The following NRG1 variants were observed in gnomAD, a reference collection of about 807,000 sequenced individuals.
NRG1 encodes the protein neuregulin 1.
In NRG1, 18 loss-of-function variants were observed where a neutral mutation model predicts 63.8. The observed-to-expected ratio is 0.28, with a 90% CI of 0.19 to 0.42. The LOEUF (loss-of-function observed/expected upper bound fraction) is 0.42, where lower values mean the gene tolerates loss of function less well. Ranked by LOEUF, NRG1 falls within the 10% of genes least tolerant of loss-of-function variation. The pLI, the probability that NRG1 is intolerant of heterozygous loss-of-function variation, is 1.00. For synonymous variants in NRG1, 302 were observed against 301.3 expected (o/e 1.00, Z -0.02); for missense variants, 762 against 814.7 (o/e 0.94, Z 0.79).
intron 1 of NRG1, among the ~76,000 whole-genome samples, chr8:31,774,125 C>G (rs1030630912): frequency 6.6e-6 from 1 of 152,114 alleles, no homozygotes; most frequent in Admixed American, 6.5e-5. Context: ...TCCTGCCACT[C>G]TCCCCTTTGC....
intron 1 of NRG1, among the ~76,000 whole-genome samples, chr8:32,393,806 A>T (rs1476141048): frequency 6.6e-6 from 1 of 152,146 alleles, no homozygotes; most frequent in Non-Finnish European, 1.5e-5. Flanking sequence ...CTGGATGATG[A>T]AGTGGTCTGT....
chr8:32,525,200 TA>T (rs1830703762), intron 1 of NRG1, among the ~76,000 whole-genome samples: 1 of 152,136 alleles, frequency 6.6e-6, no homozygotes. Context: ...GAGCCAAAGC[TA>T]AGGAGTCCGG....
chr8:32,688,806 A>T (rs1281245916), intron 5 of NRG1, among the ~76,000 whole-genome samples: 10 of 152,212 alleles, frequency 6.6e-5, no homozygotes, highest in African/African-American at 1.2e-4. Flanking sequence ...CTGTTAGAAC[A>T]GTTTGATTCT....
intron 5 of NRG1, among the ~76,000 whole-genome samples, chr8:32,656,494 T>C (rs1408329077): frequency 6.6e-6 from 1 of 152,174 alleles, no homozygotes; most frequent in Non-Finnish European, 1.5e-5. Flanking sequence ...TTTTGGTATT[T>C]TTGTTGTATA....
intron 1 of NRG1, among the ~76,000 whole-genome samples, chr8:32,415,873 G>T (rs183794489): frequency 1.4e-3 from 209 of 152,202 alleles, no homozygotes; most frequent in African/African-American, 4.9e-3. Flanking sequence ...GGAAAATTCT[G>T]GACAGTCCCT....
rs982442612 is a variant in NRG1, at chr8:31,640,159, G to T, written c.37+728G>T. ...CGGCAACGAGGCGGCTCCCGCGGGG[G>T]CCTCGGTGTGCTACTCGTCCCCGCC... On this transcript the variant is annotated intron_variant, in intron 1 of 10. Transcript: ENST00000519301. This position sits in a 1 kb window ranked among gnomAD's most constrained non-coding sequence, Gnocchi z 6.3. The T allele has an allele frequency of 6.8e-6, 8 of 1,180,342 alleles. No homozygotes were observed. The Admixed American group carries it at 2.3e-4, about 33-fold the overall frequency. The allele number at this position is 1,180,342 out of a possible 1,614,324, so 73.1% of individuals were successfully genotyped here. A position where few individuals can be genotyped will look rare whatever the true frequency, so the allele number is the denominator to read the frequency against.
At chr8:32,648,558 C>T (rs539927739) in intron 5 of NRG1, among the ~76,000 whole-genome samples, 4 of 152,280 alleles carry the variant, frequency 2.6e-5, no homozygotes, top group South Asian at 2.1e-4. Flanking sequence ...AATGATCTTG[C>T]AAACTCCGGA....
intron 1 of NRG1, among the ~76,000 whole-genome samples, chr8:31,931,384 C>T (rs1327807954): frequency 6.6e-6 from 1 of 152,142 alleles, no homozygotes; most frequent in Non-Finnish European, 1.5e-5. Context: ...AACAAGCATA[C>T]CATGATGTGA....
chr8:31,985,322 A>G (rs545308956), intron 1 of NRG1, among the ~76,000 whole-genome samples: 4 of 152,250 alleles, frequency 2.6e-5, no homozygotes, highest in African/African-American at 9.6e-5. Flanking sequence ...GCTCTAAAGC[A>G]AAGGAGTTAC....
intron 1 of NRG1, among the ~76,000 whole-genome samples, chr8:32,092,971 A>G (rs1829397760): frequency 6.6e-6 from 1 of 152,214 alleles, no homozygotes; most frequent in South Asian, 2.1e-4. Context: ...TGGGATACGT[A>G]TCTTGGCCAG....
intron 1 of NRG1, among the ~76,000 whole-genome samples, chr8:32,306,059 G>T (rs970209123): frequency 1.3e-5 from 2 of 152,184 alleles, no homozygotes; most frequent in Non-Finnish European, 2.9e-5. Context: ...CAGAGTGCCT[G>T]TGTTCAATAA....
intron 1 of NRG1, among the ~76,000 whole-genome samples, chr8:31,988,923 T>C (rs908681445): frequency 6.6e-6 from 1 of 152,010 alleles, no homozygotes; most frequent in Non-Finnish European, 1.5e-5. Context: ...CCCCTCTTTT[T>C]GTTGACGATG....
chr8:32,075,651 CTTTTTTTTTTTTT>C (rs200354474), intron 1 of NRG1, among the ~76,000 whole-genome samples: 13 of 150,272 alleles, frequency 8.7e-5, no homozygotes, highest in African/African-American at 3.0e-4. Context: ...ATATTTTAAC[CTTTTTTTTTTTTT>C]TTTTTTTTTT....
chr8:32,484,593 C>T (rs1284385279), intron 1 of NRG1, among the ~76,000 whole-genome samples: 1 of 151,994 alleles, frequency 6.6e-6, no homozygotes, highest in Admixed American at 6.6e-5. Context: ...TACAATATAC[C>T]TATGCCTTTT....
At chr8:32,709,662 C>A (rs956047065) in intron 5 of NRG1, among the ~76,000 whole-genome samples, 3 of 152,018 alleles carry the variant, frequency 2.0e-5, no homozygotes, top group Non-Finnish European at 4.4e-5. Flanking sequence ...CTCAAGCAAT[C>A]CTCCTGCCTC....
intron 1 of NRG1, among the ~76,000 whole-genome samples, chr8:31,709,473 G>A (rs1811520013): frequency 6.6e-6 from 1 of 151,812 alleles, no homozygotes; most frequent in African/African-American, 2.4e-5. Context: ...TTTTTGTAGA[G>A]GAAAGAATAA....
chr8:31,890,818 A>G (rs1831089261), intron 1 of NRG1, among the ~76,000 whole-genome samples: 2 of 152,260 alleles, frequency 1.3e-5, no homozygotes, highest in South Asian at 4.1e-4. Flanking sequence ...TCGGACAGAA[A>G]ACAAACCTAA....
intron 1 of NRG1, among the ~76,000 whole-genome samples, chr8:32,536,003 T>C (rs922882145): frequency 2.0e-5 from 3 of 152,230 alleles, no homozygotes; most frequent in Non-Finnish European, 2.9e-5. Context: ...TCTGAGACAC[T>C]ACATCAATTA....
chr8:32,443,178 G>A (rs901974602), intron 1 of NRG1, among the ~76,000 whole-genome samples: 4 of 152,038 alleles, frequency 2.6e-5, no homozygotes, highest in African/African-American at 7.2e-5. Context: ...CTGGTCTCAA[G>A]CAGTTCTCCC....
Sources: allele counts gnomAD v4.1 joint callset (sites outside exome capture counted in the v4.1 genomes callset), GRCh38; gene constraint gnomAD v4.1.1; non-coding constraint Gnocchi (gnomAD v3.1); transcripts MANE v1.5; gene names NCBI Gene and HGNC (gene_info 2026-07-23, HGNC 2026-07-21).